Variants in NUP93 observed in about 807,000 individuals in gnomAD.
NUP93 encodes nucleoporin 93, also known as nuclear pore complex protein Nup93.
A neutral mutation model predicts 107.8 loss-of-function variants in NUP93; 55 were observed. The observed-to-expected ratio is 0.51, with a 90% CI of 0.41 to 0.64. The LOEUF (loss-of-function observed/expected upper bound fraction) is 0.64. NUP93 is among the 30% of genes least tolerant of loss of function. The probability of loss-of-function intolerance (pLI) is 0.00; values close to 1 mark genes in which losing one functional copy is unlikely to be tolerated. For missense variants in NUP93, 937 were observed against 1,044.7 expected (o/e 0.90, Z 1.42); for synonymous variants, 390 against 397.5 (o/e 0.98, Z 0.22).
intron 3 of NUP93, among the ~76,000 whole-genome samples, chr16:56,763,437 A>G (rs1338964695): frequency 5.3e-5 from 8 of 152,104 alleles, no homozygotes; most frequent in Admixed American, 1.3e-4. Flanking sequence ...AGGTAACTAT[A>G]GATAGGATTA....
At chr16:56,792,188 C>CA (rs1228441365) in intron 3 of NUP93, among the ~76,000 whole-genome samples, 3 of 151,844 alleles carry the variant, frequency 2.0e-5, no homozygotes, top group Non-Finnish European at 2.9e-5. Flanking sequence ...TCTTAAAAAA[C>CA]AAAAAACAAA....
At chr16:56,770,250 T>A (rs1962295084) in intron 3 of NUP93, among the ~76,000 whole-genome samples, 1 of 152,156 alleles carries the variant, frequency 6.6e-6, no homozygotes, top group African/African-American at 2.4e-5. Context: ...GGCATGGAGT[T>A]GAAATTAGAA....
At chr16:56,837,090 A>G (rs1963926146) in intron 17 of NUP93, among the ~76,000 whole-genome samples, 1 of 152,242 alleles carries the variant, frequency 6.6e-6, no homozygotes, top group Non-Finnish European at 1.5e-5. Flanking sequence ...ATAAGACCAC[A>G]TCAGTGTGCA....
intron 3 of NUP93, among the ~76,000 whole-genome samples, chr16:56,787,831 T>C (rs527902450): frequency 1.3e-5 from 2 of 152,314 alleles, no homozygotes; most frequent in East Asian, 3.9e-4. Flanking sequence ...TTGAAACATT[T>C]TTTATCATCC....
At chr16:56,800,797 A>G (rs1367787417) in intron 4 of NUP93, among the ~76,000 whole-genome samples, 1 of 152,206 alleles carries the variant, frequency 6.6e-6, no homozygotes, top group Non-Finnish European at 1.5e-5. Context: ...TTATCAGAAC[A>G]TATGCAGTGT....
intron 4 of NUP93, among the ~76,000 whole-genome samples, chr16:56,800,124 A>G (rs182844247): frequency 9.8e-4 from 149 of 152,336 alleles, no homozygotes; most frequent in Non-Finnish European, 1.8e-3. Context: ...CAGAGGTTGC[A>G]GTGAGCTGAG....
Position 56,732,661 on chromosome 16 carries a change from A to G in NUP93, c.-15+2450A>G, listed in dbSNP as rs115989505. ...GACTGATGTAGAAAATAAGGTTGACAGAAAGATGGATGTGCCAAGGAGGGG... is the reference window on the plus strand; with the variant it reads ...GACTGATGTAGAAAATAAGGTTGACGGAAAGATGGATGTGCCAAGGAGGGG... On this transcript the variant is annotated intron_variant, in intron 1 of 21. Coordinates refer to ENST00000308159, the MANE Select transcript of NUP93 (RefSeq NM_014669.5). Among the ~76,000 whole-genome samples the G allele has an allele frequency of 7.7e-3, 1,172 of 152,336 alleles. 22 individuals are homozygous for G. The highest frequency in any genetic ancestry group is 0.027 in the African/African-American group (1,103 of 41,570).
At position 56,832,305 on chromosome 16, in the gene NUP93, T is replaced by C; in HGVS notation, c.1262T>C (p.Val421Ala). The change falls in exon 12 of 22, where the codon GTG becomes GCG. Residue 421 changes from valine (V) to alanine (A), a missense_variant. Transcript: ENST00000308159. ...CTCTTGGGGATTTAGTTGAACCAAGTGTGTTTTGACGACGATGGCACCAGC... is the reference window on the plus strand; with the variant it reads ...CTCTTGGGGATTTAGTTGAACCAAGCGTGTTTTGACGACGATGGCACCAGC... ...EDYLWLKLNQ[V>A]CFDDDGTSSP... The C allele has an allele frequency of 6.2e-7, 1 of 1,614,014 alleles. No homozygotes were observed. The highest frequency in any genetic ancestry group is 8.5e-7 in the Non-Finnish European group (1 of 1,179,848).
chr16:56,782,232 T>C, intron 3 of NUP93: 1 of 985,216 alleles, frequency 1.0e-6, no homozygotes, highest in Non-Finnish European at 1.2e-6. Flanking sequence ...TGGCCGTGTT[T>C]TGTAAAGAAA....
intron 18 of NUP93, among the ~76,000 whole-genome samples, chr16:56,837,988 A>G (rs753631336): frequency 5.3e-5 from 8 of 152,242 alleles, no homozygotes; most frequent in Non-Finnish European, 1.0e-4. Flanking sequence ...TCATGCACAT[A>G]AAGCTTAATT....
intron 8 of NUP93, among the ~76,000 whole-genome samples, chr16:56,824,898 G>C (rs554126779): frequency 7.2e-5 from 11 of 152,198 alleles, no homozygotes; most frequent in Admixed American, 2.0e-4. Flanking sequence ...AGGAATAAAG[G>C]GTTTATAAAA....
chr16:56,842,171 T>A (rs1964038680), intron 21 of NUP93, among the ~76,000 whole-genome samples: 1 of 152,262 alleles, frequency 6.6e-6, no homozygotes, highest in African/African-American at 2.4e-5. Context: ...TAGTGAACAC[T>A]TTTATTAAAA....
chr16:56,831,407 G>T (rs1424092363), intron 10 of NUP93: 1 of 156,096 alleles, frequency 6.4e-6, no homozygotes, highest in Non-Finnish European at 1.4e-5. Context: ...TTAAAGTAGG[G>T]TTAATGTCTT....
intron 1 of NUP93, among the ~76,000 whole-genome samples, chr16:56,739,711 C>T (rs1262526238): frequency 3.7e-5 from 5 of 135,080 alleles, no homozygotes; most frequent in African/African-American, 1.2e-4. Flanking sequence ...GGCGGCTGGC[C>T]GGGCGGGGGG....
chr16:56,815,899 G>GCTGGTGC (rs1555495759), intron 5 of NUP93, among the ~76,000 whole-genome samples: 6 of 95,984 alleles, frequency 6.3e-5, no homozygotes, highest in Non-Finnish European at 1.1e-4. Context: ...GCTGCTGCTG[G>GCTGGTGC]TGCTGCTGCT....
At chr16:56,841,646 CT>C in intron 20 of NUP93, 58 bp from the exon 21 acceptor site, 1 of 1,595,430 alleles carries the variant, frequency 6.3e-7, no homozygotes, top group Non-Finnish European at 8.5e-7. Context: ...CTCCCTCCAT[CT>C]GTGGTTGGCC....
At chr16:56,801,120 TTTC>T (rs1289510162) in intron 4 of NUP93, among the ~76,000 whole-genome samples, 18 of 152,198 alleles carry the variant, frequency 1.2e-4, no homozygotes, top group African/African-American at 3.9e-4. Context: ...GTCTATTGAG[TTTC>T]TTCTTATCAC....
At chr16:56,773,973 A>G (rs1340277494) in intron 3 of NUP93, among the ~76,000 whole-genome samples, 1 of 152,228 alleles carries the variant, frequency 6.6e-6, no homozygotes, top group African/African-American at 2.4e-5. Flanking sequence ...TAAAACATAT[A>G]TATTTAAAAA....
chr16:56,813,107 A>G (rs1388407391), intron 5 of NUP93, among the ~76,000 whole-genome samples: 11 of 152,212 alleles, frequency 7.2e-5, no homozygotes, highest in African/African-American at 2.2e-4. Context: ...AAGCTAAACT[A>G]TGGCTTAATA....
Sources: allele counts gnomAD v4.1 joint callset (sites outside exome capture counted in the v4.1 genomes callset), GRCh38; gene constraint gnomAD v4.1.1; transcripts MANE v1.5; gene names NCBI Gene and HGNC (gene_info 2026-07-23, HGNC 2026-07-21).